RHO: variants seen among roughly 807,000 people sequenced by gnomAD.
The protein encoded by RHO is opsin 2, rod pigment.
RHO carries 21 observed loss-of-function variants against 31.2 expected under a neutral mutation model. The ratio of observed to expected loss-of-function variants is 0.67; its 90% CI spans 0.48 to 0.97. The LOEUF (loss-of-function observed/expected upper bound fraction) is 0.97. Among genes scored for constraint, RHO ranks in the 50% least tolerant of loss-of-function variants. The pLI is 0.00. For missense variants in RHO, 414 were observed against 479.5 expected (o/e 0.86, Z 1.28); for synonymous variants, 211 against 196.6 (o/e 1.07, Z -0.61).
rs138831590 is a variant in RHO, at chr3:129,533,630, C to A, written c.959C>A (p.Thr320Asn). 8.4e-5 allele frequency: 136 copies of A among 1,614,106 alleles called. No individual in the cohort carries two copies. The Middle Eastern group carries it at 2.1e-3, about 25-fold the overall frequency. ...CAGTTCCGGAACTGCATGCTCACCA[C>A]CATCTGCTGCGGCAAGAACCCACTG... Reference protein sequence around the residue: ...NKQFRNCMLTTICCGKNPLGD... With the variant: ...NKQFRNCMLTNICCGKNPLGD... The change falls in exon 5 of 5, where the codon ACC becomes AAC. Residue 320 changes from threonine (T) to asparagine (N), a missense_variant. Physicochemically the swap from Thr to Asn is moderately conservative, Grantham distance 65. Coordinates refer to ENST00000296271, the MANE Select transcript of RHO (RefSeq NM_000539.3).
Position 129,530,533 on chromosome 3 carries a change from A to ACAACACACACACACACACACAC in RHO, c.362-343_362-342insCAACACACACACACACACACAC, listed in dbSNP as rs1553781099. ...CACACACACACACACACACACACAC[A>ACAACACACACACACACACACAC]ACACACACACACACACACACACACA... is the stretch of plus-strand genomic sequence containing the variant. On this transcript the variant is annotated intron_variant, in intron 1 of 4. Coordinates refer to ENST00000296271, the MANE Select transcript of RHO (RefSeq NM_000539.3). Among the ~76,000 whole-genome samples the ACAACACACACACACACACACAC allele has an allele frequency of 1.8e-3, 219 of 122,864 alleles. 3 individuals carry two copies. Among genetic ancestry groups the ACAACACACACACACACACACAC allele is most frequent in the African/African-American group, 7.6e-3 (186 of 24,532 alleles). 80.6% of individuals were successfully genotyped at this position (122,864 alleles called of 152,430 possible).
In RHO at chr3:129,531,082, C is replaced by T. The variant is rs748723598; in HGVS notation, c.530+38C>T. 4.4e-6 allele frequency: 7 copies of T among 1,605,764 alleles called. No homozygotes were observed. The African/African-American group carries it at 8.0e-5, about 18-fold the overall frequency. On this transcript the variant is annotated intron_variant, in intron 2 of 4. Transcript: ENST00000296271. ...AGCAGAAGGGAAGAAGCTCCGGGGG[C>T]TCTTTGTAGGGTCCTCCAGTCAGGA...
At chr3:129,529,914 T>A (rs1357015222) in intron 1 of RHO, among the ~76,000 whole-genome samples, 2 of 152,154 alleles carry the variant, frequency 1.3e-5, no homozygotes, top group Non-Finnish European at 2.9e-5. Context: ...GTCTCCTGGC[T>A]GTGATCCAGG....
Position 129,534,958 on chromosome 3 carries a change from GC to G in RHO, c.*1243del, listed in dbSNP as rs1461112461. The G allele has an allele frequency of 6.6e-6, 1 of 152,638 alleles. No individual in the cohort carries two copies. Among genetic ancestry groups the G allele is most frequent in the East Asian group, 1.9e-4 (1 of 5,200 alleles). 9.5% of individuals were successfully genotyped at this position (152,638 alleles called of 1,614,324 possible). A position where few individuals can be genotyped will look rare whatever the true frequency, so the allele number is the denominator to read the frequency against. On this transcript the variant is annotated 3_prime_UTR_variant, in exon 5 of 5. Transcript: ENST00000296271. ...GTTTCCAGTTTCCCTTGCCAGACAA[GC>G]CCATCTTCAGCAGTTGCTAGTCCAT... is the stretch of plus-strand genomic sequence containing the variant.
chr3:129,532,070 C>T lies in RHO; in HGVS notation c.531-181C>T, dbSNP rs1443011054. Among the ~76,000 whole-genome samples the T allele has an allele frequency of 6.6e-6, 1 of 152,188 alleles. No individual in the cohort carries two copies. Among genetic ancestry groups the T allele is most frequent in the Non-Finnish European group, 1.5e-5 (1 of 68,032 alleles). On this transcript the variant is annotated intron_variant, in intron 2 of 4. Transcript: ENST00000296271. This position sits in a 1 kb window ranked among gnomAD's most constrained non-coding sequence, Gnocchi z 5.5. Reference sequence around the variant, plus strand: ...CCAAACAATGAAGCGACACTGATTCCACAAGGTGCATCTGCATCCCCATCT... The same window carrying T: ...CCAAACAATGAAGCGACACTGATTCTACAAGGTGCATCTGCATCCCCATCT...
chr3:129,529,127 G>A (rs757395830), intron 1 of RHO, 33 bp downstream of exon 1: 3 of 1,599,598 alleles, frequency 1.9e-6, no homozygotes, highest in Non-Finnish European at 2.6e-6. Flanking sequence ...GTGTGCAGGA[G>A]CCCGGGAGCA....
Position 129,533,885 on chromosome 3 carries a change from T to C in RHO, c.*167T>C. 1 of 577,312 alleles carries C rather than the reference T, an allele frequency of 1.7e-6. No individual in the cohort carries two copies. The highest frequency in any genetic ancestry group is 3.1e-6 in the Non-Finnish European group (1 of 324,968). The allele number at this position is 577,312 out of a possible 1,614,324, so 35.8% of individuals were successfully genotyped here. ...AGAAATAATTAATGAGGCTCCTCAC[T>C]CACCTGGGACAGCCTGAGAAGGGAC... On this transcript the variant is annotated 3_prime_UTR_variant, in exon 5 of 5. Coordinates refer to ENST00000296271, the MANE Select transcript of RHO (RefSeq NM_000539.3).
rs1331072853 is a variant in RHO at position 129,532,953 on chromosome 3, T to G, written c.936+181T>G. 6.6e-6 allele frequency among the ~76,000 whole-genome samples: 1 copy of G among 152,180 alleles called. No homozygotes were observed. The highest frequency in any genetic ancestry group is 2.1e-4 in the South Asian group (1 of 4,832). On this transcript the variant is annotated intron_variant, in intron 4 of 4. Transcript: ENST00000296271. This position sits in a 1 kb window ranked among gnomAD's most constrained non-coding sequence, Gnocchi z 5.5. ...GATTCCTGGCCCCACTCAGAACTGC[T>G]GAATCTCAGGGTGGGCCCAGGAACC...
intron 1 of RHO, 61 bp from the exon 2 acceptor site, chr3:129,530,815 G>T (rs535635302): frequency 3.7e-5 from 60 of 1,605,478 alleles, no homozygotes; most frequent in Middle Eastern, 1.7e-4. Flanking sequence ...CCTGTCTAGG[G>T]GGGAGTGCAC....
rs767573351 is a variant in RHO at position 129,533,594 on chromosome 3, C to T, written c.937-14C>T. 7 of 1,603,572 alleles carry T rather than the reference C, an allele frequency of 4.4e-6. No homozygotes were observed. In the East Asian group the frequency reaches 1.3e-4, roughly 31 times the overall value. On this transcript the variant is annotated splice_polypyrimidine_tract_variant and intron_variant, in intron 4 of 4. Transcript: ENST00000296271. ...GGGCAGCCCTGGCCCTGACTCAAGC[C>T]TCTTGCCTTCCAGTTCCGGAACTGC...
At chr3:129,529,628 C>T (rs1222273563) in intron 1 of RHO, among the ~76,000 whole-genome samples, 4 of 152,332 alleles carry the variant, frequency 2.6e-5, no homozygotes, top group East Asian at 3.9e-4. Flanking sequence ...GCAATGGGCT[C>T]GGTCCCCTCT....
In RHO at chr3:129,532,591, G is replaced by A. The variant is rs765438313; in HGVS notation, c.755G>A (p.Arg252His). 1.5e-5 allele frequency: 25 copies of A among 1,614,062 alleles called. No individual in the cohort carries two copies. The highest frequency in any genetic ancestry group is 3.3e-5 in the South Asian group (3 of 91,096). Residue 252 changes from arginine to histidine, a missense_variant, in exon 4 of 5, where the codon CGC (arginine) becomes CAC (histidine). Arg to His is a conservative substitution (Grantham distance 29, BLOSUM62 0). Coordinates refer to ENST00000296271, the MANE Select transcript of RHO (RefSeq NM_000539.3). The surrounding 1 kb of genome is among the most constrained non-coding windows in gnomAD (Gnocchi z 5.5). ...CAGAAGGCAGAGAAGGAGGTCACCC[G>A]CATGGTCATCATCATGGTCATCGCT... ...TTQKAEKEVT[R>H]MVIIMVIAFL...
Position 129,532,514 on chromosome 3 carries a change from C to G in RHO, c.697-19C>G, listed in dbSNP as rs373369517. 1 of 1,613,828 alleles carries G rather than the reference C, an allele frequency of 6.2e-7. No homozygotes were observed. Among genetic ancestry groups the G allele is most frequent in the Admixed American group, 1.7e-5 (1 of 60,010 alleles). Reference sequence around the variant, plus strand: ...CCCTGGAGGAGCCATGGTCTGGACCCGGGTCCCGTGTCCTGCAGGCCGCTG... The same window carrying G: ...CCCTGGAGGAGCCATGGTCTGGACCGGGGTCCCGTGTCCTGCAGGCCGCTG... On this transcript the variant is annotated intron_variant, in intron 3 of 4. Coordinates refer to ENST00000296271, the MANE Select transcript of RHO (RefSeq NM_000539.3). The surrounding 1 kb of genome is among the most constrained non-coding windows in gnomAD (Gnocchi z 5.5).
chr3:129,532,058 C>T lies in RHO; in HGVS notation c.531-193C>T, dbSNP rs1407628323. On this transcript the variant is annotated intron_variant, in intron 2 of 4. Coordinates refer to ENST00000296271, the MANE Select transcript of RHO (RefSeq NM_000539.3). The surrounding 1 kb of genome is among the most constrained non-coding windows in gnomAD (Gnocchi z 5.5). ...GTAACGCAGCCACCAAACAATGAAG[C>T]GACACTGATTCCACAAGGTGCATCT... 1.3e-5 allele frequency among the ~76,000 whole-genome samples: 2 copies of T among 152,176 alleles called. No individual in the cohort carries two copies. Among genetic ancestry groups the T allele is most frequent in the Admixed American group, 6.5e-5 (1 of 15,282 alleles).
chr3:129,531,724 T>C (rs2084781695), intron 2 of RHO, among the ~76,000 whole-genome samples: 1 of 152,166 alleles, frequency 6.6e-6, no homozygotes, highest in Admixed American at 6.5e-5. Context: ...ACGCTCTGGG[T>C]TTCCTGAGGC....
intron 1 of RHO, 99 bp downstream of exon 1, chr3:129,529,193 C>T: frequency 1.4e-6 from 2 of 1,414,902 alleles, no homozygotes; most frequent in South Asian, 1.3e-5. Context: ...GGCCTTCTCC[C>T]TTCTCCTGTC....
chr3:129,533,943 G>T lies in RHO; in HGVS notation c.*225G>T. 1.9e-6 allele frequency: 1 copy of T among 513,302 alleles called. No homozygotes were observed. Among genetic ancestry groups the T allele is most frequent in the Non-Finnish European group, 3.5e-6 (1 of 283,590 alleles). The allele number at this position is 513,302 out of a possible 1,614,324, so 31.8% of individuals were successfully genotyped here. ...AAGACCTACTGATCTGGAGTCCCAC[G>T]TTCCCCAAGGCCAGCGGGATGTGTG... On this transcript the variant is annotated 3_prime_UTR_variant, in exon 5 of 5. Transcript: ENST00000296271.
intron 2 of RHO, among the ~76,000 whole-genome samples, 176 bp downstream of exon 2, chr3:129,531,220 A>C (rs1407137682): frequency 6.6e-6 from 1 of 152,182 alleles, no homozygotes; most frequent in African/African-American, 2.4e-5. Flanking sequence ...TAATGTTGCT[A>C]CAAGGGCTGG....
chr3:129,531,008 T>C lies in RHO; in HGVS notation c.494T>C (p.Leu165Pro), dbSNP rs1351316742. The C allele has an allele frequency of 5.6e-6, 9 of 1,614,096 alleles. No homozygotes were observed. Among genetic ancestry groups the C allele is most frequent in the African/African-American group, 1.3e-5 (1 of 74,944 alleles). ...GTTGCCTTCACCTGGGTCATGGCGCTGGCCTGCGCCGCACCCCCACTCGCC... is the reference window on the plus strand; with the variant it reads ...GTTGCCTTCACCTGGGTCATGGCGCCGGCCTGCGCCGCACCCCCACTCGCC... The part of the protein sequence containing the change: ...MGVAFTWVMA[L>P]ACAAPPLAGW... Residue 165 changes from leucine to proline, a missense_variant, in exon 2 of 5, where the codon CTG (leucine) becomes CCG (proline). Leu to Pro is a moderately conservative substitution (Grantham distance 98). Transcript: ENST00000296271.
Sources: gnomAD v4.1 joint callset for allele counts (sites outside exome capture counted in the v4.1 genomes callset) on GRCh38, gnomAD v4.1.1 for gene constraint, Gnocchi (gnomAD v3.1) non-coding constraint, MANE v1.5 for transcripts, NCBI Gene and HGNC (gene_info 2026-07-23, HGNC 2026-07-21) for gene names.